PLCB1: variants seen among roughly 807,000 people sequenced by gnomAD.
PLCB1 encodes the protein 1-phosphatidylinositol 4,5-bisphosphate phosphodiesterase beta-1.
Under a neutral mutation model 161.8 loss-of-function variants are expected in PLCB1, and 46 were observed. That is an observed-to-expected ratio of 0.28 (90% CI 0.22 to 0.36). The LOEUF is 0.36. PLCB1 is among the 10% of genes least tolerant of loss of function. The pLI, the probability that PLCB1 is intolerant of heterozygous loss-of-function variation, is 1.00. For missense variants in PLCB1, 1,016 were observed against 1,472.5 expected (o/e 0.69, Z 5.07); for synonymous variants, 517 against 503.7 (o/e 1.03, Z -0.35).
intron 3 of PLCB1, among the ~76,000 whole-genome samples, chr20:8,436,137 G>A (rs766046574): frequency 1.3e-5 from 2 of 152,048 alleles, no homozygotes; most frequent in African/African-American, 4.8e-5. Flanking sequence ...CCAGGAGTTC[G>A]AGACCAGCCT....
Position 8,741,725 on chromosome 20 carries a change from C to T in PLCB1, c.2523+152C>T, listed in dbSNP as rs1005423032. The T allele has an allele frequency of 1.4e-4, 80 of 567,898 alleles. 1 individual carries two copies. The highest frequency in any genetic ancestry group is 3.2e-4 in the Middle Eastern group (1 of 3,166). The allele number at this position is 567,898 out of a possible 1,614,324, so 35.2% of individuals were successfully genotyped here. A position where few individuals can be genotyped will look rare whatever the true frequency, so the allele number is the denominator to read the frequency against. On this transcript the variant is annotated intron_variant, in intron 23 of 31. Coordinates refer to ENST00000338037, the MANE Select transcript of PLCB1 (RefSeq NM_015192.4). ...AGTTTAGCATCATGTCACAGAACATCTAGATGATTGACTTAAATTTTTCAC... is the reference window on the plus strand; with the variant it reads ...AGTTTAGCATCATGTCACAGAACATTTAGATGATTGACTTAAATTTTTCAC...
chr20:8,601,670 T>C (rs1682508393), intron 3 of PLCB1, among the ~76,000 whole-genome samples: 1 of 152,180 alleles, frequency 6.6e-6, no homozygotes, highest in African/African-American at 2.4e-5. Flanking sequence ...CTGCCCCCAC[T>C]AGCATGGCTG....
At chr20:8,203,505 C>G (rs1010419349) in intron 2 of PLCB1, among the ~76,000 whole-genome samples, 3 of 151,638 alleles carry the variant, frequency 2.0e-5, no homozygotes, top group Admixed American at 6.6e-5. Context: ...GTCACTTTAC[C>G]TAAGGAAAAT....
chr20:8,419,141 G>T (rs1979426615), intron 3 of PLCB1, among the ~76,000 whole-genome samples: 1 of 151,806 alleles, frequency 6.6e-6, no homozygotes, highest in Non-Finnish European at 1.5e-5. Flanking sequence ...AAGATGTCTG[G>T]ATTTAAAAGC....
At chr20:8,753,799 G>C (rs571397886) in intron 23 of PLCB1, among the ~76,000 whole-genome samples, 2 of 152,314 alleles carry the variant, frequency 1.3e-5, no homozygotes, top group Non-Finnish European at 2.9e-5. Context: ...AACCTGGGTG[G>C]AAATAGGCTA....
intron 2 of PLCB1, among the ~76,000 whole-genome samples, chr20:8,322,080 T>C (rs968726492): frequency 5.9e-5 from 9 of 152,192 alleles, no homozygotes; most frequent in Non-Finnish European, 1.0e-4. Flanking sequence ...TCTCCTGATC[T>C]AGAATTCCCC....
intron 3 of PLCB1, among the ~76,000 whole-genome samples, chr20:8,445,681 A>G (rs951416733): frequency 2.6e-5 from 4 of 152,180 alleles, no homozygotes; most frequent in Non-Finnish European, 1.5e-5. Context: ...ATCCATGAGC[A>G]TGGAATGTTC....
At chr20:8,788,987 TC>T (rs1368959361) in intron 29 of PLCB1, among the ~76,000 whole-genome samples, 1 of 152,206 alleles carries the variant, frequency 6.6e-6, no homozygotes, top group African/African-American at 2.4e-5. Context: ...AATCCTCACT[TC>T]CTACCCATAA....
At chr20:8,473,924 C>T (rs1982160682) in intron 3 of PLCB1, among the ~76,000 whole-genome samples, 1 of 152,150 alleles carries the variant, frequency 6.6e-6, no homozygotes, top group Non-Finnish European at 1.5e-5. Context: ...TCTTTAAAAA[C>T]AAGAAGTGAT....
intron 2 of PLCB1, among the ~76,000 whole-genome samples, chr20:8,161,897 T>G (rs2051628963): frequency 6.6e-6 from 1 of 152,100 alleles, no homozygotes. Flanking sequence ...TGAAAGGATG[T>G]GCTCACTTTG....
rs189851817 is a variant in PLCB1, at chr20:8,379,974, C to T, written c.246+8524C>T. Among the ~76,000 whole-genome samples the T allele has an allele frequency of 5.3e-5, 8 of 152,234 alleles. No homozygotes were observed. In the East Asian group the frequency reaches 1.4e-3, roughly 26 times the overall value. On this transcript the variant is annotated intron_variant, in intron 3 of 31. Transcript: ENST00000338037. ...CAGAAGCTCTTTAGTTTAGTTAGAT[C>T]CCATTTGTCAAGCTTGGCTTTTGTT...
intron 3 of PLCB1, among the ~76,000 whole-genome samples, chr20:8,498,232 G>A (rs1983259833): frequency 6.6e-6 from 1 of 152,122 alleles, no homozygotes; most frequent in African/African-American, 2.4e-5. Context: ...CAAGTAACTG[G>A]AATTACAGGC....
chr20:8,184,435 C>G (rs2051878855), intron 2 of PLCB1, among the ~76,000 whole-genome samples: 1 of 152,064 alleles, frequency 6.6e-6, no homozygotes, highest in African/African-American at 2.4e-5. Context: ...TTTAACCTCT[C>G]TAATTTTGTT....
intron 3 of PLCB1, among the ~76,000 whole-genome samples, chr20:8,384,142 T>A (rs777475888): frequency 6.0e-4 from 91 of 152,154 alleles, no homozygotes; most frequent in Non-Finnish European, 1.9e-4. Flanking sequence ...ATTCTCCTTG[T>A]CCCTGTCACG....
intron 2 of PLCB1, among the ~76,000 whole-genome samples, chr20:8,276,986 CTTA>C (rs59903648): frequency 0.02 from 1,870 of 93,068 alleles, 15 homozygotes; most frequent in South Asian, 0.023. Context: ...TCTTCTTCTT[CTTA>C]TTATTATTAT....
chr20:8,413,379 G>A (rs1040489949), intron 3 of PLCB1, among the ~76,000 whole-genome samples: 1 of 152,122 alleles, frequency 6.6e-6, no homozygotes, highest in Admixed American at 6.5e-5. Flanking sequence ...TATTTAAATT[G>A]TGAACATTTG....
At chr20:8,868,955 C>G (rs1426525468) in intron 31 of PLCB1, among the ~76,000 whole-genome samples, 4 of 152,152 alleles carry the variant, frequency 2.6e-5, no homozygotes. Flanking sequence ...ATTTAGTATT[C>G]AGATCTTGAT....
intron 3 of PLCB1, among the ~76,000 whole-genome samples, chr20:8,495,283 A>G (rs1466596350): frequency 1.3e-5 from 2 of 152,022 alleles, no homozygotes; most frequent in African/African-American, 4.8e-5. Context: ...GCAAGATCAC[A>G]TAGCCAGTAA....
At chr20:8,678,578 A>T (rs1990144414) in intron 9 of PLCB1, among the ~76,000 whole-genome samples, 1 of 152,304 alleles carries the variant, frequency 6.6e-6, no homozygotes, top group South Asian at 2.1e-4. Flanking sequence ...TGGCTTCTCG[A>T]CCATGTTGTT....
Sources: gnomAD v4.1 joint callset for allele counts (sites outside exome capture counted in the v4.1 genomes callset) on GRCh38, gnomAD v4.1.1 for gene constraint, MANE v1.5 for transcripts, NCBI Gene and HGNC (gene_info 2026-07-23, HGNC 2026-07-21) for gene names.